STK32B: variants seen among roughly 807,000 people sequenced by gnomAD.
STK32B encodes the protein serine/threonine kinase 32B.
STK32B carries 43 observed loss-of-function variants against 52.6 expected under a neutral mutation model. The ratio of observed to expected loss-of-function variants is 0.82; its 90% CI spans 0.64 to 1.05. The LOEUF is 1.05. Ranked by LOEUF, STK32B falls within the 50% of genes least tolerant of loss-of-function variation. The pLI is 0.00. For synonymous variants in STK32B, 238 were observed against 204.3 expected (o/e 1.17, Z -1.41); for missense variants, 621 against 534.6 (o/e 1.16, Z -1.59).
chr4:5,075,457 T>C (rs942408150), intron 1 of STK32B, among the ~76,000 whole-genome samples: 1 of 152,172 alleles, frequency 6.6e-6, no homozygotes, highest in African/African-American at 2.4e-5. Context: ...TTTCTCAATC[T>C]TTTTGCTGTG....
rs568519536 is a variant in STK32B at position 5,317,266 on chromosome 4, A to G, written c.261-13954A>G. On this transcript the variant is annotated intron_variant, in intron 3 of 11. Coordinates refer to ENST00000282908, the MANE Select transcript of STK32B (RefSeq NM_018401.3). ...ATATTATATATAACATATAACATAT[A>G]TATAATATATAACATATAACATATA... Among the ~76,000 whole-genome samples, 12 of 54,740 alleles carry G rather than the reference A, an allele frequency of 2.2e-4. 1 individual carries two copies. The highest frequency in any genetic ancestry group is 3.8e-4 in the African/African-American group (3 of 7,832). 35.9% of individuals were successfully genotyped at this position (54,740 alleles called of 152,430 possible).
intron 4 of STK32B, among the ~76,000 whole-genome samples, chr4:5,348,569 G>T (rs747375550): frequency 3.9e-5 from 6 of 152,150 alleles, no homozygotes; most frequent in Non-Finnish European, 8.8e-5. Flanking sequence ...ACCCACTGCT[G>T]CAGGGTGCTG....
At chr4:5,229,458 G>A (rs1724103894) in intron 3 of STK32B, among the ~76,000 whole-genome samples, 1 of 152,082 alleles carries the variant, frequency 6.6e-6, no homozygotes, top group African/African-American at 2.4e-5. Context: ...AAAGAAAATA[G>A]TTTTCTTTGT....
chr4:5,329,976 G>T (rs1732125370), intron 3 of STK32B, among the ~76,000 whole-genome samples: 1 of 152,148 alleles, frequency 6.6e-6, no homozygotes, highest in South Asian at 2.1e-4. Flanking sequence ...CCTCCCCAGG[G>T]CTGCACACCC....
chr4:5,225,917 A>G (rs1216177901), intron 3 of STK32B, among the ~76,000 whole-genome samples: 1 of 152,136 alleles, frequency 6.6e-6, no homozygotes, highest in Non-Finnish European at 1.5e-5. Flanking sequence ...ATTTATCCAA[A>G]AAGCTTTGGG....
chr4:5,493,331 C>T (rs1719914336), intron 11 of STK32B, among the ~76,000 whole-genome samples: 2 of 151,946 alleles, frequency 1.3e-5, no homozygotes, highest in African/African-American at 4.8e-5. Flanking sequence ...TTGAGGAATT[C>T]ATCCATTTCT....
chr4:5,081,283 C>A (rs1253668020), intron 1 of STK32B, among the ~76,000 whole-genome samples: 1 of 152,024 alleles, frequency 6.6e-6, no homozygotes, highest in East Asian at 1.9e-4. Flanking sequence ...TCTCTTGATG[C>A]TTTCAAAATT....
chr4:5,421,187 T>C (rs1712615270), intron 6 of STK32B, among the ~76,000 whole-genome samples: 2 of 152,128 alleles, frequency 1.3e-5, no homozygotes, highest in Admixed American at 1.3e-4. Flanking sequence ...CCTCCTGGGT[T>C]CATGCCATTC....
At chr4:5,326,015 C>T (rs941243520) in intron 3 of STK32B, among the ~76,000 whole-genome samples, 1 of 152,120 alleles carries the variant, frequency 6.6e-6, no homozygotes, top group African/African-American at 2.4e-5. Flanking sequence ...AAAGCCACAA[C>T]CTGAATTATT....
At chr4:5,385,162 G>C (rs539743720) in intron 4 of STK32B, among the ~76,000 whole-genome samples, 70 of 152,202 alleles carry the variant, frequency 4.6e-4, no homozygotes, top group African/African-American at 1.6e-3. Flanking sequence ...TTTCCCTCCT[G>C]GCCAGAGCTA....
intron 3 of STK32B, among the ~76,000 whole-genome samples, chr4:5,181,709 C>G (rs764269317): frequency 6.6e-6 from 1 of 152,194 alleles, no homozygotes. Flanking sequence ...AAACAAGGTA[C>G]GTACCATAAT....
chr4:5,268,908 A>G (rs1434611153), intron 3 of STK32B, among the ~76,000 whole-genome samples: 1 of 152,148 alleles, frequency 6.6e-6, no homozygotes, highest in Non-Finnish European at 1.5e-5. Context: ...ACATCAAGCA[A>G]CAGAGGACAG....
rs1737146540 is a variant in STK32B at position 5,399,411 on chromosome 4, C to T, written c.472+1167C>T. On this transcript the variant is annotated intron_variant, in intron 5 of 11. Transcript: ENST00000282908. This position sits in a 1 kb window ranked among gnomAD's most constrained non-coding sequence, Gnocchi z 5.4. ...TGGGGCATCCTAACCTCATAGTGTG[C>T]ATCCCTATGTACAGGAGTGGTGGAT... Among the ~76,000 whole-genome samples the T allele has an allele frequency of 6.6e-6, 1 of 152,144 alleles. No individual in the cohort carries two copies. Among genetic ancestry groups the T allele is most frequent in the Non-Finnish European group, 1.5e-5 (1 of 68,030 alleles).
chr4:5,154,231 T>TC (rs1348103195), intron 2 of STK32B, among the ~76,000 whole-genome samples: 1 of 142,338 alleles, frequency 7.0e-6, no homozygotes, highest in African/African-American at 2.6e-5. Flanking sequence ...TTTTTTTTTT[T>TC]CATGACAGAG....
At position 5,371,032 on chromosome 4, in the gene STK32B, A is replaced by ATG. The variant is rs1408727928; in HGVS notation, c.435-27173_435-27172dup. On this transcript the variant is annotated intron_variant, in intron 4 of 11. Coordinates refer to ENST00000282908, the MANE Select transcript of STK32B (RefSeq NM_018401.3). ...TATATGTATATATATGTGTATATATATGTATATATATGTGTGTGTGTGTGT... is the reference window on the plus strand; with the variant it reads ...TATATGTATATATATGTGTATATATATGTGTATATATATGTGTGTGTGTGTGT... Among the ~76,000 whole-genome samples the ATG allele has an allele frequency of 8.6e-3, 1,296 of 150,106 alleles. 11 individuals are homozygous for ATG. The highest frequency in any genetic ancestry group is 0.032 in the Middle Eastern group (9 of 284).
intron 1 of STK32B, among the ~76,000 whole-genome samples, chr4:5,102,857 C>G (rs1361130192): frequency 1.7e-5 from 1 of 60,304 alleles, no homozygotes; most frequent in African/African-American, 7.7e-5. Context: ...TCCTCCCCCT[C>G]CCTCCCTCCC....
At chr4:5,317,014 A>C (rs539763478) in intron 3 of STK32B, among the ~76,000 whole-genome samples, 5 of 25,610 alleles carry the variant, frequency 2.0e-4, no homozygotes, top group Non-Finnish European at 2.5e-4. Context: ...TAATATATAT[A>C]ATATATAATA....
At chr4:5,183,238 G>A (rs1720491873) in intron 3 of STK32B, among the ~76,000 whole-genome samples, 1 of 152,110 alleles carries the variant, frequency 6.6e-6, no homozygotes, top group Non-Finnish European at 1.5e-5. Context: ...AGCACATTGG[G>A]AACCCGAGGC....
chr4:5,302,264 AT>A (rs1729613675), intron 3 of STK32B, among the ~76,000 whole-genome samples: 1 of 151,828 alleles, frequency 6.6e-6, no homozygotes, highest in South Asian at 2.1e-4. Flanking sequence ...CCAGATTAAC[AT>A]TTTTCCTCAT....
Sources: allele counts gnomAD v4.1 joint callset (sites outside exome capture counted in the v4.1 genomes callset), GRCh38; gene constraint gnomAD v4.1.1; non-coding constraint Gnocchi (gnomAD v3.1); transcripts MANE v1.5; gene names NCBI Gene and HGNC (gene_info 2026-07-23, HGNC 2026-07-21).